ZNF462: variants seen among roughly 807,000 people sequenced by gnomAD.
ZNF462 encodes zinc finger protein 462, also known as zinc finger PBX1-interacting protein.
ZNF462 carries 10 observed loss-of-function variants against 201.9 expected under a neutral mutation model. That is an observed-to-expected ratio of 0.05 (90% CI 0.03 to 0.08). The LOEUF is 0.08. Among genes scored for constraint, ZNF462 ranks in the 10% least tolerant of loss-of-function variants. ZNF462 has a pLI of 1.00. For missense variants in ZNF462, 2,523 were observed against 3,168.3 expected, an observed-to-expected ratio of 0.80 and a Z score of 4.89; for synonymous variants, 1,227 against 1,193.3, an observed-to-expected ratio of 1.03 and a Z score of -0.58.
intron 1 of ZNF462, among the ~76,000 whole-genome samples, chr9:106,922,286 A>G (rs973784454): frequency 2.0e-5 from 3 of 152,238 alleles, no homozygotes; most frequent in Non-Finnish European, 4.4e-5. Context: ...AACTTAGGAT[A>G]TACATTAAGA....
rs571833961 is a variant in ZNF462, at chr9:106,933,036, G to A, written c.6116+487G>A. The A allele has an allele frequency of 2.7e-5, 5 of 186,366 alleles. No individual in the cohort carries two copies. The South Asian group carries it at 5.0e-4, about 19-fold the overall frequency. The allele number at this position is 186,366 out of a possible 1,614,324, so 11.5% of individuals were successfully genotyped here. ...ATGCCAAAGAGTTGCTTGACATACA[G>A]GGAGATTGAGGAGAGGGAGCTTCCC... On this transcript the variant is annotated intron_variant, in intron 5 of 12. Coordinates refer to ENST00000277225, the MANE Select transcript of ZNF462 (RefSeq NM_021224.6). This position sits in a 1 kb window ranked among gnomAD's most constrained non-coding sequence, Gnocchi z 4.3.
chr9:106,994,972 TAAATC>T (rs1320179933), intron 10 of ZNF462, among the ~76,000 whole-genome samples: 1 of 152,182 alleles, frequency 6.6e-6, no homozygotes, highest in Non-Finnish European at 1.5e-5. Context: ...GTTTGTTAAA[TAAATC>T]AATAAATGAA....
At chr9:106,959,517 T>C (rs947148861) in intron 7 of ZNF462, among the ~76,000 whole-genome samples, 5 of 152,072 alleles carry the variant, frequency 3.3e-5, no homozygotes, top group African/African-American at 1.2e-4. Context: ...ATTGGTCTTA[T>C]ATAATCTCCA....
intron 1 of ZNF462, among the ~76,000 whole-genome samples, chr9:106,879,337 C>CG (rs1041505737): frequency 3.8e-5 from 4 of 105,396 alleles, no homozygotes; most frequent in African/African-American, 1.4e-4. Flanking sequence ...TTTCCACCCC[C>CG]CCCCCCACCC....
rs1271445583 is a variant in ZNF462, at chr9:106,919,800, T to C, written c.-30-3554T>C. On this transcript the variant is annotated intron_variant, in intron 1 of 12. Transcript: ENST00000277225. The surrounding 1 kb of genome is among the most constrained non-coding windows in gnomAD (Gnocchi z 4.5). The stretch of plus-strand genomic sequence containing the variant: ...GGATCATGATGGGTGGTGTTTAAAG[T>C]CTAGGCATCTGAGGTCTATTTGACC... Among the ~76,000 whole-genome samples, 2 of 152,180 alleles carry C rather than the reference T, an allele frequency of 1.3e-5. No homozygotes were observed. Among genetic ancestry groups the C allele is most frequent in the Non-Finnish European group, 2.9e-5 (2 of 68,028 alleles).
At chr9:106,941,111 G>C (rs1830850450) in intron 7 of ZNF462, among the ~76,000 whole-genome samples, 2 of 152,112 alleles carry the variant, frequency 1.3e-5, no homozygotes, top group South Asian at 4.1e-4. Flanking sequence ...GTCTCAGTCA[G>C]AGGTCAAGGG....
Position 106,938,654 on chromosome 9 carries a change from A to C in ZNF462, c.6236-262A>C, listed in dbSNP as rs1830733213. 6.6e-6 allele frequency among the ~76,000 whole-genome samples: 1 copy of C among 152,170 alleles called. No individual in the cohort carries two copies. The highest frequency in any genetic ancestry group is 1.5e-5 in the Non-Finnish European group (1 of 68,026). Reference sequence around the variant, plus strand: ...GGTTTGACTTCCTATTGGGGAATTAATTCATAGCTTCACTCCTGTAAGCAG... The same window carrying C: ...GGTTTGACTTCCTATTGGGGAATTACTTCATAGCTTCACTCCTGTAAGCAG... On this transcript the variant is annotated intron_variant, in intron 6 of 12. Coordinates refer to ENST00000277225, the MANE Select transcript of ZNF462 (RefSeq NM_021224.6). The surrounding 1 kb of genome is among the most constrained non-coding windows in gnomAD (Gnocchi z 4.4).
Position 107,010,689 on chromosome 9 carries a change from T to G in ZNF462, c.7314-134T>G. ...GTATTTTGTCATACACCCATGGCAT[T>G]TGTTCAAAGGAAACCCCAAGGCTTT... On this transcript the variant is annotated intron_variant, in intron 12 of 12. Coordinates refer to ENST00000277225, the MANE Select transcript of ZNF462 (RefSeq NM_021224.6). The surrounding 1 kb of genome is among the most constrained non-coding windows in gnomAD (Gnocchi z 4.6). 1 of 795,816 alleles carries G rather than the reference T, an allele frequency of 1.3e-6. No homozygotes were observed. Among genetic ancestry groups the G allele is most frequent in the Non-Finnish European group, 1.9e-6 (1 of 521,146 alleles). The allele number at this position is 795,816 out of a possible 1,614,324, so 49.3% of individuals were successfully genotyped here.
At chr9:106,988,684 T>G (rs1828033466) in intron 10 of ZNF462, among the ~76,000 whole-genome samples, 1 of 152,212 alleles carries the variant, frequency 6.6e-6, no homozygotes, top group Admixed American at 6.5e-5. Context: ...GGGATGTGTT[T>G]CCATTTGTTT....
Position 106,974,543 on chromosome 9 carries a change from C to T in ZNF462, c.6832+270C>T. 1 of 504,712 alleles carries T rather than the reference C, an allele frequency of 2.0e-6. No homozygotes were observed. Among genetic ancestry groups the T allele is most frequent in the Admixed American group, 3.2e-5 (1 of 31,000 alleles). The allele number at this position is 504,712 out of a possible 1,614,324, so 31.3% of individuals were successfully genotyped here. Reference sequence around the variant, plus strand: ...GGCTTCCCAGCATGGGGGATTTGTACATTCTGACAATTCTGCCACCCACAG... The same window carrying T: ...GGCTTCCCAGCATGGGGGATTTGTATATTCTGACAATTCTGCCACCCACAG... On this transcript the variant is annotated intron_variant, in intron 9 of 12. Transcript: ENST00000277225. This position sits in a 1 kb window ranked among gnomAD's most constrained non-coding sequence, Gnocchi z 4.0.
chr9:106,934,085 T>C (rs955918151), intron 5 of ZNF462, among the ~76,000 whole-genome samples: 5 of 152,204 alleles, frequency 3.3e-5, no homozygotes, highest in African/African-American at 9.7e-5. Context: ...CATCTCACTA[T>C]ATACCAGGCA....
At chr9:106,899,520 G>A (rs2131161321) in intron 1 of ZNF462, among the ~76,000 whole-genome samples, 1 of 152,268 alleles carries the variant, frequency 6.6e-6, no homozygotes, top group South Asian at 2.1e-4. Context: ...GAAACCCTGA[G>A]AGAAAATGGA....
rs147733201 is a variant in ZNF462, at chr9:106,966,970, C to A, written c.6428-5035C>A. Among the ~76,000 whole-genome samples, 1 of 152,182 alleles carries A rather than the reference C, an allele frequency of 6.6e-6. No individual in the cohort carries two copies. Among genetic ancestry groups the A allele is most frequent in the African/African-American group, 2.4e-5 (1 of 41,534 alleles). The stretch of plus-strand genomic sequence containing the variant: ...GGGCTGCAGAAAATTGAGAATTGAT[C>A]CTCTGGTATAGCTTCCTCTTTGTAT... On this transcript the variant is annotated intron_variant, in intron 7 of 12. Coordinates refer to ENST00000277225, the MANE Select transcript of ZNF462 (RefSeq NM_021224.6). This position sits in a 1 kb window ranked among gnomAD's most constrained non-coding sequence, Gnocchi z 4.4.
Position 106,923,559 on chromosome 9 carries a change from TTTC to T in ZNF462, c.181_183del (p.Ser61del). ...GCCAGTAATCAGACAGAGGTGGAGT[TTTC>T]TTCTATAAAGGATGAATTTGCCATT... On this transcript the variant is annotated inframe_deletion, in exon 2 of 13. Transcript: ENST00000277225. This position sits in a 1 kb window ranked among gnomAD's most constrained non-coding sequence, Gnocchi z 5.6. 6.2e-7 allele frequency: 1 copy of T among 1,614,234 alleles called. No homozygotes were observed. The highest frequency in any genetic ancestry group is 8.5e-7 in the Non-Finnish European group (1 of 1,180,048).
intron 1 of ZNF462, among the ~76,000 whole-genome samples, chr9:106,889,420 A>G (rs1013825762): frequency 1.3e-5 from 2 of 152,184 alleles, no homozygotes; most frequent in African/African-American, 4.8e-5. Flanking sequence ...GATGTGGTAT[A>G]GGTACGGGGG....
chr9:106,999,470 G>A (rs906843427), intron 10 of ZNF462, among the ~76,000 whole-genome samples: 1 of 152,088 alleles, frequency 6.6e-6, no homozygotes, highest in African/African-American at 2.4e-5. Context: ...TTTAATAGTG[G>A]AAAGCCAGAA....
rs772526417 is a variant in ZNF462, at chr9:106,926,662, A to G, written c.2750A>G (p.Asn917Ser). 1.8e-5 allele frequency: 29 copies of G among 1,614,116 alleles called. No homozygotes were observed. Among genetic ancestry groups the G allele is most frequent in the Non-Finnish European group, 2.5e-5 (29 of 1,180,026 alleles). The change falls in exon 3 of 13, where the codon AAC becomes AGC. Residue 917 changes from asparagine to serine, a missense_variant. Coordinates refer to ENST00000277225, the MANE Select transcript of ZNF462 (RefSeq NM_021224.6). This position sits in a 1 kb window ranked among gnomAD's most constrained non-coding sequence, Gnocchi z 7.9. ...CACCCAGAAGCCATGAATGTACTCAACTTTGATCACTCGGACCTGATCTAC... is the reference window on the plus strand; with the variant it reads ...CACCCAGAAGCCATGAATGTACTCAGCTTTGATCACTCGGACCTGATCTAC... ...EHHPEAMNVL[N>S]FDHSDLIYRC...
chr9:106,925,646 A>G lies in ZNF462; in HGVS notation c.1734A>G (p.Pro578=), dbSNP rs1830163735. 1 of 1,613,920 alleles carries G rather than the reference A, an allele frequency of 6.2e-7. No individual in the cohort carries two copies. The highest frequency in any genetic ancestry group is 2.2e-5 in the East Asian group (1 of 44,862). The change falls in exon 3 of 13, where the codon CCA becomes CCG. Residue 578 remains proline, a synonymous_variant. Coordinates refer to ENST00000277225, the MANE Select transcript of ZNF462 (RefSeq NM_021224.6). The surrounding 1 kb of genome is among the most constrained non-coding windows in gnomAD (Gnocchi z 7.9). ...LQPPHQVPPQ[P]QTQPPPTQQP... is the part of the protein sequence containing the mutation. ...CACCACATCAGGTGCCACCCCAGCCACAAACACAGCCACCACCAACGCAGC... is the reference window on the plus strand; with the variant it reads ...CACCACATCAGGTGCCACCCCAGCCGCAAACACAGCCACCACCAACGCAGC...
intron 9 of ZNF462, among the ~76,000 whole-genome samples, chr9:106,976,906 G>T (rs1246374765): frequency 6.6e-6 from 1 of 152,130 alleles, no homozygotes; most frequent in African/African-American, 2.4e-5. Context: ...TAATCCAGCT[G>T]GGATTTAAAC....
Sources: gnomAD v4.1 joint callset for allele counts (sites outside exome capture counted in the v4.1 genomes callset) on GRCh38, gnomAD v4.1.1 for gene constraint, Gnocchi (gnomAD v3.1) non-coding constraint, MANE v1.5 for transcripts, NCBI Gene and HGNC (gene_info 2026-07-23, HGNC 2026-07-21) for gene names.